The following SFXN5 variants were observed in gnomAD, a reference collection of about 807,000 sequenced individuals.
The protein encoded by SFXN5 is sideroflexin-5.
A neutral mutation model predicts 50.2 loss-of-function variants in SFXN5; 43 were observed. The ratio of observed to expected loss-of-function variants is 0.86; its 90% confidence interval spans 0.67 to 1.11. The LOEUF (loss-of-function observed/expected upper bound fraction) is 1.11, where lower values mean the gene tolerates loss of function less well. Among genes scored for constraint, SFXN5 ranks in the 50% least tolerant of loss-of-function variants. SFXN5 has a pLI of 0.00. For missense variants in SFXN5, 463 were observed against 454.1 expected, an observed-to-expected ratio of 1.02 and a Z score of -0.18; for synonymous variants, 203 against 185.8, an observed-to-expected ratio of 1.09 and a Z score of -0.75.
chr2:73,022,626 G>C (rs767574515), intron 4 of SFXN5, 50 bp from the exon 5 acceptor site: 2 of 720,044 alleles, frequency 2.8e-6, no homozygotes, highest in South Asian at 1.5e-5. Context: ...GTGTAGGGAG[G>C]GGGAAGGGGG....
chr2:73,026,006 T>C (rs1677499174), intron 3 of SFXN5, among the ~76,000 whole-genome samples: 1 of 151,822 alleles, frequency 6.6e-6, no homozygotes, highest in Admixed American at 6.6e-5. Flanking sequence ...AGACACCTTC[T>C]CCAGGAAAAC....
chr2:73,045,076 C>T (rs1467345112), intron 2 of SFXN5, among the ~76,000 whole-genome samples: 1 of 152,226 alleles, frequency 6.6e-6, no homozygotes, highest in Non-Finnish European at 1.5e-5. Flanking sequence ...AGGCCCTGTT[C>T]ACAGGAGATA....
intron 3 of SFXN5, among the ~76,000 whole-genome samples, chr2:73,036,691 A>T (rs17511570): frequency 0.06 from 9,200 of 152,274 alleles, 331 homozygotes; most frequent in East Asian, 0.14. Context: ...CTCAGCAAGA[A>T]AAGGGCAGAG....
intron 10 of SFXN5, among the ~76,000 whole-genome samples, chr2:72,972,192 G>C (rs748661876): frequency 6.6e-6 from 1 of 152,212 alleles, no homozygotes; most frequent in Non-Finnish European, 1.5e-5. Flanking sequence ...AGGTGCCAGA[G>C]AGGCAGAAAC....
intron 10 of SFXN5, among the ~76,000 whole-genome samples, chr2:72,984,263 G>C (rs1022943466): frequency 6.6e-6 from 1 of 152,266 alleles, no homozygotes; most frequent in Admixed American, 6.5e-5. Flanking sequence ...CTCTCTCCAA[G>C]GGGAGAGAAA....
intron 9 of SFXN5, among the ~76,000 whole-genome samples, chr2:72,989,359 ATCT>A (rs1255106497): frequency 6.6e-6 from 1 of 152,146 alleles, no homozygotes; most frequent in Non-Finnish European, 1.5e-5. Context: ...AAGTCATTTC[ATCT>A]TTCTCTGTCT....
chr2:73,043,701 AT>A (rs1318817083), intron 2 of SFXN5, among the ~76,000 whole-genome samples: 2 of 152,050 alleles, frequency 1.3e-5, no homozygotes, highest in African/African-American at 4.8e-5. Flanking sequence ...GGTTGTTTTT[AT>A]TTTTTCCCCA....
At chr2:72,979,665 T>C (rs991080181) in intron 10 of SFXN5, among the ~76,000 whole-genome samples, 1 of 152,114 alleles carries the variant, frequency 6.6e-6, no homozygotes, top group African/African-American at 2.4e-5. Flanking sequence ...CATTTAAAAA[T>C]AGCCATGGAA....
At chr2:73,060,622 G>C (rs1246023217) in intron 1 of SFXN5, among the ~76,000 whole-genome samples, 11 of 152,004 alleles carry the variant, frequency 7.2e-5, no homozygotes, top group Admixed American at 7.2e-4. Flanking sequence ...ATGGACCATA[G>C]GTTAATAAAA....
Position 72,992,706 on chromosome 2 carries a change from C to A in SFXN5, c.535-4358G>T, listed in dbSNP as rs903906977. Among the ~76,000 whole-genome samples, 11 of 152,256 alleles carry A rather than the reference C, an allele frequency of 7.2e-5. No homozygotes were observed. The highest frequency in any genetic ancestry group is 2.2e-4 in the African/African-American group (9 of 41,470). ...CTCCCTGCTCCCAACACTCAGCACG[C>A]AGCCTCTGTCCCTGGATGACAGTGC... On this transcript the variant is annotated intron_variant, in intron 9 of 13. Coordinates refer to ENST00000272433, the MANE Select transcript of SFXN5 (RefSeq NM_144579.3). This position sits in a 1 kb window ranked among gnomAD's most constrained non-coding sequence, Gnocchi z 4.5.
intron 12 of SFXN5, among the ~76,000 whole-genome samples, chr2:72,968,128 C>A (rs1251083824): frequency 8.1e-6 from 1 of 123,290 alleles, no homozygotes; most frequent in Admixed American, 7.9e-5. Context: ...TGAAAACACA[C>A]ACACACACAC....
chr2:72,999,891 A>G (rs1181405552), intron 8 of SFXN5, among the ~76,000 whole-genome samples: 1 of 152,152 alleles, frequency 6.6e-6, no homozygotes, highest in Non-Finnish European at 1.5e-5. Flanking sequence ...CTTCCTGGAC[A>G]ACAGAAGGGT....
intron 10 of SFXN5, among the ~76,000 whole-genome samples, chr2:72,984,007 A>G (rs1671611302): frequency 6.6e-6 from 1 of 152,194 alleles, no homozygotes; most frequent in African/African-American, 2.4e-5. Flanking sequence ...ACGTCAATTA[A>G]CGGAGGGCCC....
chr2:73,031,438 T>C (rs1349181557), intron 3 of SFXN5, among the ~76,000 whole-genome samples: 4 of 151,958 alleles, frequency 2.6e-5, no homozygotes, highest in African/African-American at 9.7e-5. Context: ...GCTGCCCACC[T>C]GGAACTTGAG....
At chr2:72,951,352 G>A (rs879451330) in intron 13 of SFXN5, among the ~76,000 whole-genome samples, 17 of 151,568 alleles carry the variant, frequency 1.1e-4, no homozygotes, top group South Asian at 8.4e-4. Context: ...CCTATCCAGC[G>A]TCTCCCCAGC....
intron 6 of SFXN5, among the ~76,000 whole-genome samples, chr2:73,006,492 G>A (rs1308426903): frequency 6.6e-6 from 1 of 152,112 alleles, no homozygotes; most frequent in African/African-American, 2.4e-5. Context: ...GGTGGTGGCA[G>A]GTGACTATAA....
At chr2:73,048,945 A>G (rs1288771691) in intron 2 of SFXN5, 1 of 152,198 alleles carries the variant, frequency 6.6e-6, no homozygotes, top group African/African-American at 2.4e-5. Flanking sequence ...CAGTTTCCCA[A>G]AAACGTTTTA....
intron 10 of SFXN5, among the ~76,000 whole-genome samples, chr2:72,977,966 C>T (rs1291049519): frequency 1.5e-5 from 2 of 134,340 alleles, no homozygotes; most frequent in South Asian, 2.4e-4. Flanking sequence ...GAGAGAGACT[C>T]TGCCTCAGAA....
intron 3 of SFXN5, among the ~76,000 whole-genome samples, chr2:73,028,554 C>T (rs961543081): frequency 2.6e-5 from 4 of 152,192 alleles, no homozygotes; most frequent in Non-Finnish European, 5.9e-5. Flanking sequence ...AAATAAAAAA[C>T]ATTTTTCCAG....
Sources: gnomAD v4.1 joint callset for allele counts (sites outside exome capture counted in the v4.1 genomes callset) on GRCh38, gnomAD v4.1.1 for gene constraint, Gnocchi (gnomAD v3.1) non-coding constraint, MANE v1.5 for transcripts, NCBI Gene and HGNC (gene_info 2026-07-23, HGNC 2026-07-21) for gene names.